ARIH2: variants seen among roughly 807,000 people sequenced by gnomAD.
ARIH2 encodes the protein E3 ubiquitin-protein ligase ARIH2.
ARIH2 carries 12 observed loss-of-function variants against 79.8 expected under a neutral mutation model. That is an observed-to-expected ratio of 0.15 (90% confidence interval 0.10 to 0.24). The LOEUF is 0.24. Ranked by LOEUF, ARIH2 falls within the 10% of genes least tolerant of loss-of-function variation. The probability of loss-of-function intolerance (pLI) is 1.00; values close to 1 mark genes in which losing one functional copy is unlikely to be tolerated. For synonymous variants in ARIH2, 224 were observed against 213.9 expected, an observed-to-expected ratio of 1.05 and a Z score of -0.41; for missense variants, 301 against 618.3, an observed-to-expected ratio of 0.49 and a Z score of 5.44.
At chr3:48,931,250 C>G (rs994155414) in intron 3 of ARIH2, among the ~76,000 whole-genome samples, 4 of 152,070 alleles carry the variant, frequency 2.6e-5, no homozygotes, top group African/African-American at 7.2e-5. Flanking sequence ...ACTAATTAAA[C>G]AAAAATTTAT....
chr3:48,978,942 CAG>C (rs2092654140), intron 11 of ARIH2, among the ~76,000 whole-genome samples: 1 of 149,448 alleles, frequency 6.7e-6, no homozygotes, highest in African/African-American at 2.5e-5. Context: ...GCCTGGGTGA[CAG>C]AGTGAGACTC....
At chr3:48,979,675 C>A in intron 12 of ARIH2, 42 bp downstream of exon 12, 1 of 1,605,354 alleles carries the variant, frequency 6.2e-7, no homozygotes. Context: ...GGGTAGGCTT[C>A]TTCCACTTGG....
chr3:48,941,171 C>CAAAAA (rs11353326), intron 3 of ARIH2, among the ~76,000 whole-genome samples: 1 of 132,012 alleles, frequency 7.6e-6, no homozygotes, highest in African/African-American at 2.8e-5. Context: ...GACTCCGTCT[C>CAAAAA]AAAAAAAAAA....
At chr3:48,920,086 C>T (rs201644448) in intron 1 of ARIH2, among the ~76,000 whole-genome samples, 2 of 150,258 alleles carry the variant, frequency 1.3e-5, no homozygotes, top group East Asian at 2.0e-4. Context: ...CTCAAGTGAT[C>T]CTCCTTTCTT....
At chr3:48,973,599 A>C in intron 8 of ARIH2, 100 bp from the exon 9 acceptor site, 1 of 799,010 alleles carries the variant, frequency 1.3e-6, no homozygotes, top group Non-Finnish European at 2.1e-6. Context: ...AAAAGAAAAA[A>C]GCTCTAATTC....
Position 48,928,730 on chromosome 3 carries a change from A to AT in ARIH2, c.255+930dup, listed in dbSNP as rs796318972. Among the ~76,000 whole-genome samples, 160 of 143,580 alleles carry AT rather than the reference A, an allele frequency of 1.1e-3. 1 individual carries two copies. The highest frequency in any genetic ancestry group is 2.4e-3 in the South Asian group (11 of 4,578). 94.2% of individuals were successfully genotyped at this position (143,580 alleles called of 152,430 possible). ...ATTTGCTTTATCTACTAGTTTAGGG[A>AT]TTTTTTTTTTTTTCCCCAGATGGTT... On this transcript the variant is annotated intron_variant, in intron 3 of 15. Coordinates refer to ENST00000356401, the MANE Select transcript of ARIH2 (RefSeq NM_006321.4).
At chr3:48,929,688 G>A (rs915383647) in intron 3 of ARIH2, among the ~76,000 whole-genome samples, 3 of 152,312 alleles carry the variant, frequency 2.0e-5, no homozygotes, top group East Asian at 1.9e-4. Context: ...TTCTTGGAGA[G>A]CAATAACTGT....
At chr3:48,962,377 A>G (rs760471340) in intron 4 of ARIH2, among the ~76,000 whole-genome samples, 3 of 150,822 alleles carry the variant, frequency 2.0e-5, no homozygotes, top group South Asian at 2.1e-4. Context: ...CTCCATCTCA[A>G]AAAAAAAAAC....
intron 12 of ARIH2, chr3:48,979,914 C>CTTT: frequency 1.2e-5 from 3 of 250,628 alleles, no homozygotes; most frequent in Non-Finnish European, 2.2e-5. Flanking sequence ...CTAGTACCAT[C>CTTT]TTTTTTTTTT....
intron 3 of ARIH2, among the ~76,000 whole-genome samples, chr3:48,940,794 C>CAAAAAAAAAAAAAAAAA (rs761364123): frequency 1.5e-5 from 1 of 68,452 alleles, no homozygotes; most frequent in African/African-American, 7.9e-5. Flanking sequence ...GACTCCGTCT[C>CAAAAAAAAAAAAAAAAA]AAAAAAAAAA....
chr3:48,933,138 A>G (rs1274430268), intron 3 of ARIH2, among the ~76,000 whole-genome samples: 1 of 152,190 alleles, frequency 6.6e-6, no homozygotes, highest in Non-Finnish European at 1.5e-5. Context: ...GTGCAGTGGC[A>G]CGATGTTGGC....
At chr3:48,934,187 G>A in intron 3 of ARIH2, 1 of 220,966 alleles carries the variant, frequency 4.5e-6, no homozygotes, top group Non-Finnish European at 7.6e-6. Flanking sequence ...AAAACAACCT[G>A]GCTTTTTTGC....
At chr3:48,980,247 G>T in intron 12 of ARIH2, 106 bp from the exon 13 acceptor site, 1 of 1,169,954 alleles carries the variant, frequency 8.5e-7, no homozygotes, top group Non-Finnish European at 1.2e-6. Context: ...AGTTAGAGGA[G>T]TCTGTGGCCA....
At chr3:48,920,004 G>A (rs947347069) in intron 1 of ARIH2, among the ~76,000 whole-genome samples, 2 of 150,700 alleles carry the variant, frequency 1.3e-5, no homozygotes, top group African/African-American at 4.9e-5. Flanking sequence ...TGGTGGGCGG[G>A]ACAAAGTTGC....
chr3:48,942,214 G>C (rs909524485), intron 3 of ARIH2, among the ~76,000 whole-genome samples: 1 of 151,646 alleles, frequency 6.6e-6, no homozygotes, highest in African/African-American at 2.4e-5. Context: ...CCACGCCCAG[G>C]TAATTTTTGT....
chr3:48,974,226 G>A (rs924972839), intron 9 of ARIH2, among the ~76,000 whole-genome samples: 7 of 152,128 alleles, frequency 4.6e-5, no homozygotes, highest in African/African-American at 1.4e-4. Context: ...ATGGCCTGTG[G>A]GCTCTAGGGG....
intron 3 of ARIH2, among the ~76,000 whole-genome samples, chr3:48,934,154 G>A (rs771419784): frequency 6.6e-6 from 1 of 152,110 alleles, no homozygotes; most frequent in African/African-American, 2.4e-5. Flanking sequence ...CTTAAGTGCC[G>A]AAGTCTTTAT....
intron 3 of ARIH2, chr3:48,943,177 G>A (rs901831183): frequency 6.6e-6 from 1 of 152,116 alleles, no homozygotes; most frequent in Non-Finnish European, 1.5e-5. Context: ...TCCACTAAAA[G>A]TACCACTTTA....
Position 48,967,222 on chromosome 3 carries a change from G to T in ARIH2, c.485G>T (p.Arg162Leu), listed in dbSNP as rs932796208. Residue 162 changes from arginine to leucine, a missense_variant, in exon 6 of 16, where the codon CGC becomes CTC. Transcript: ENST00000356401. Reference protein sequence around the residue: ...LSLACQHQFCRSCWEQHCSVL... With the variant: ...LSLACQHQFCLSCWEQHCSVL... ...CTGGCCTGTCAGCACCAGTTTTGCC[G>T]CAGCTGCTGGGAGCAGCACTGCTCA... The T allele has an allele frequency of 1.2e-6, 2 of 1,614,174 alleles. No individual in the cohort carries two copies. The highest frequency in any genetic ancestry group is 4.5e-5 in the East Asian group (2 of 44,890).
Sources: allele counts gnomAD v4.1 joint callset (sites outside exome capture counted in the v4.1 genomes callset), GRCh38; gene constraint gnomAD v4.1.1; transcripts MANE v1.5; gene names NCBI Gene and HGNC (gene_info 2026-07-23, HGNC 2026-07-21).